The following MPP7 variants were observed in gnomAD, a reference collection of about 807,000 sequenced individuals.
MPP7 encodes the protein MAGUK p55 subfamily member 7.
In MPP7, 60 loss-of-function variants were observed where a neutral mutation model predicts 76.5. The observed-to-expected ratio is 0.78, with a 90% CI of 0.64 to 0.97. The LOEUF (loss-of-function observed/expected upper bound fraction) is 0.97, where lower values mean the gene tolerates loss of function less well. MPP7 is among the 50% of genes least tolerant of loss of function. The probability of loss-of-function intolerance (pLI) is 0.00; values close to 1 mark genes in which losing one functional copy is unlikely to be tolerated. For synonymous variants in MPP7, 237 were observed against 244.5 expected, an observed-to-expected ratio of 0.97 and a Z score of 0.29; for missense variants, 641 against 694.0, an observed-to-expected ratio of 0.92 and a Z score of 0.86.
At chr10:28,316,435 T>TAAAAAAAAAAAAAAAAA (rs549621404) in intron 2 of MPP7, among the ~76,000 whole-genome samples, 1 of 37,136 alleles carries the variant, frequency 2.7e-5, no homozygotes, top group African/African-American at 8.4e-5. Flanking sequence ...ACTCTGTCTT[T>TAAAAAAAAAAAAAAAAA]AAAAAAAAAA....
chr10:28,190,141 T>C (rs1837366293), intron 3 of MPP7, among the ~76,000 whole-genome samples: 1 of 152,112 alleles, frequency 6.6e-6, no homozygotes, highest in Non-Finnish European at 1.5e-5. Flanking sequence ...CCTAAATGTG[T>C]ATGCACCTAA....
chr10:28,081,254 T>C (rs1852746308), intron 12 of MPP7, among the ~76,000 whole-genome samples: 1 of 152,210 alleles, frequency 6.6e-6, no homozygotes, highest in Non-Finnish European at 1.5e-5. Context: ...ACGTGAAAAG[T>C]GTTTTAGTTG....
At chr10:28,253,127 C>G (rs538877515) in intron 1 of MPP7, among the ~76,000 whole-genome samples, 1 of 151,994 alleles carries the variant, frequency 6.6e-6, no homozygotes, top group African/African-American at 2.4e-5. Context: ...AGGCTGGTCT[C>G]GAACTCCTGA....
At chr10:28,104,509 C>T (rs1235635365) in intron 11 of MPP7, among the ~76,000 whole-genome samples, 1 of 152,116 alleles carries the variant, frequency 6.6e-6, no homozygotes, top group East Asian at 1.9e-4. Flanking sequence ...TAGGATTTGG[C>T]TTTTGGGGGA....
At chr10:28,169,215 G>A (rs1836593083) in intron 3 of MPP7, among the ~76,000 whole-genome samples, 1 of 152,106 alleles carries the variant, frequency 6.6e-6, no homozygotes, top group African/African-American at 2.4e-5. Context: ...CACTAGCCAG[G>A]CATAGTGGTC....
chr10:28,253,465 T>C (rs976091670), intron 1 of MPP7, among the ~76,000 whole-genome samples: 1 of 152,170 alleles, frequency 6.6e-6, no homozygotes, highest in African/African-American at 2.4e-5. Flanking sequence ...CACTCCAGGT[T>C]TGGATTAATC....
chr10:28,234,328 T>C (rs752319039), intron 2 of MPP7, among the ~76,000 whole-genome samples: 2 of 152,156 alleles, frequency 1.3e-5, no homozygotes, highest in Non-Finnish European at 2.9e-5. Flanking sequence ...TAAGTATCCA[T>C]GACTCCATAC....
At chr10:28,159,181 T>C (rs780942093) in intron 3 of MPP7, among the ~76,000 whole-genome samples, 2 of 152,232 alleles carry the variant, frequency 1.3e-5, no homozygotes, top group African/African-American at 4.8e-5. Context: ...CATATTTTGA[T>C]GCAGTGATTG....
chr10:28,187,747 T>A (rs1365867573), intron 3 of MPP7, among the ~76,000 whole-genome samples: 2 of 152,214 alleles, frequency 1.3e-5, no homozygotes, highest in Non-Finnish European at 2.9e-5. Context: ...GCAAGTATGA[T>A]GCTTTTTGTT....
chr10:28,279,058 C>T (rs528924168), intron 1 of MPP7, among the ~76,000 whole-genome samples: 6 of 152,096 alleles, frequency 3.9e-5, no homozygotes, highest in South Asian at 2.1e-4. Flanking sequence ...TTGGACTCAA[C>T]GTATTTCTTG....
At chr10:28,130,835 A>G (rs1466565424) in intron 6 of MPP7, among the ~76,000 whole-genome samples, 1 of 152,204 alleles carries the variant, frequency 6.6e-6, no homozygotes, top group African/African-American at 2.4e-5. Context: ...AATTGCGAAG[A>G]TAATACACTA....
At chr10:28,188,027 T>C (rs1238434985) in intron 3 of MPP7, among the ~76,000 whole-genome samples, 3 of 152,212 alleles carry the variant, frequency 2.0e-5, no homozygotes, top group Non-Finnish European at 2.9e-5. Context: ...AAGTATATTC[T>C]TGTTCACAGG....
intron 1 of MPP7, among the ~76,000 whole-genome samples, chr10:28,292,827 TA>T (rs1429842698): frequency 6.6e-6 from 1 of 151,930 alleles, no homozygotes; most frequent in African/African-American, 2.4e-5. Context: ...GCAGGGAGCC[TA>T]AAAAGGTGAG....
chr10:28,143,886 TGTGTGTGTGTGTGTGTGA>T (rs754292561), intron 5 of MPP7, among the ~76,000 whole-genome samples: 6 of 147,856 alleles, frequency 4.1e-5, no homozygotes, highest in South Asian at 2.2e-4. Flanking sequence ...TGTGTGTGTG[TGTGTGTGTGTGTGTGTGA>T]GACTGAGTTT....
chr10:28,138,307 G>C (rs1835411199), intron 5 of MPP7, among the ~76,000 whole-genome samples: 1 of 152,060 alleles, frequency 6.6e-6, no homozygotes, highest in South Asian at 2.1e-4. Context: ...GCTTCCCCTA[G>C]AAACAAAGTC....
At chr10:28,180,594 T>C (rs1444426749) in intron 3 of MPP7, among the ~76,000 whole-genome samples, 1 of 152,192 alleles carries the variant, frequency 6.6e-6, no homozygotes, top group African/African-American at 2.4e-5. Context: ...GTGAAAATAC[T>C]TGTTAAAATT....
intron 3 of MPP7, among the ~76,000 whole-genome samples, chr10:28,193,681 G>A (rs1343568575): frequency 6.6e-6 from 1 of 151,888 alleles, no homozygotes; most frequent in African/African-American, 2.4e-5. Flanking sequence ...TAAAAGACTT[G>A]CATCTAGAAA....
upstream of MPP7, among the ~76,000 whole-genome samples, chr10:28,305,105 G>C: frequency 6.6e-6 from 1 of 152,228 alleles, no homozygotes. Flanking sequence ...AATGCTCTAA[G>C]ATTTGAGGCA....
At chr10:28,073,294 C>T (rs1852323554) in intron 12 of MPP7, among the ~76,000 whole-genome samples, 1 of 152,070 alleles carries the variant, frequency 6.6e-6, no homozygotes, top group African/African-American at 2.4e-5. Flanking sequence ...GCCACAATAC[C>T]CCTGTTTTGC....
Sources: gnomAD v4.1 joint callset for allele counts (sites outside exome capture counted in the v4.1 genomes callset) on GRCh38, gnomAD v4.1.1 for gene constraint, MANE v1.5 for transcripts, NCBI Gene and HGNC (gene_info 2026-07-23, HGNC 2026-07-21) for gene names.